GNG7: variants seen among roughly 807,000 people sequenced by gnomAD.
GNG7 encodes the protein guanine nucleotide-binding protein G(I)/G(S)/G(O) subunit gamma-7.
In GNG7, 1 loss-of-function variant was observed where a neutral mutation model predicts 4.0. The observed-to-expected ratio is 0.25, with a 90% CI of 0.09 to 1.18. GNG7 has a LOEUF of 1.18. Ranked by LOEUF, GNG7 falls within the 50% of genes most tolerant of loss-of-function variation. GNG7 has a pLI of 0.50. For synonymous variants in GNG7, 34 were observed against 36.9 expected (o/e 0.92, Z 0.29); for missense variants, 86 against 91.9 (o/e 0.94, Z 0.26).
At chr19:2,529,517 C>T (rs1478113982) in intron 3 of GNG7, among the ~76,000 whole-genome samples, 1 of 152,168 alleles carries the variant, frequency 6.6e-6, no homozygotes, top group Non-Finnish European at 1.5e-5. Context: ...CACGCCCGGC[C>T]CATTTTTGTG....
At chr19:2,596,285 G>C (rs551951396) in intron 2 of GNG7, among the ~76,000 whole-genome samples, 35 of 152,238 alleles carry the variant, frequency 2.3e-4, no homozygotes, top group African/African-American at 8.4e-4. Flanking sequence ...CTTGAACCCA[G>C]GAGGTGGAGG....
chr19:2,556,397 G>A (rs992269896), intron 2 of GNG7, among the ~76,000 whole-genome samples: 14 of 152,204 alleles, frequency 9.2e-5, no homozygotes, highest in Non-Finnish European at 1.5e-4. Flanking sequence ...CCGGGTTCAC[G>A]TGGCCAAGGC....
intron 2 of GNG7, among the ~76,000 whole-genome samples, chr19:2,612,284 A>G (rs1981592730): frequency 6.6e-6 from 1 of 152,080 alleles, no homozygotes; most frequent in Non-Finnish European, 1.5e-5. Context: ...GCTCAGCAGC[A>G]TCTCTGACCT....
chr19:2,684,071 A>C (rs1271786897), intron 1 of GNG7, among the ~76,000 whole-genome samples: 1 of 151,334 alleles, frequency 6.6e-6, no homozygotes, highest in Admixed American at 6.6e-5. Context: ...CTGTAATCGC[A>C]GCACTTGGAG....
intron 2 of GNG7, among the ~76,000 whole-genome samples, chr19:2,599,782 CA>C (rs1333947072): frequency 1.3e-5 from 2 of 151,864 alleles, no homozygotes. Context: ...ACTAAAAATA[CA>C]AAAATTAGCC....
chr19:2,568,782 A>G (rs555852503), intron 2 of GNG7, among the ~76,000 whole-genome samples: 77 of 133,096 alleles, frequency 5.8e-4, no homozygotes, highest in South Asian at 2.9e-3. Flanking sequence ...ATAAATACAC[A>G]TACACACATA....
At chr19:2,586,634 C>T (rs888049610) in intron 2 of GNG7, among the ~76,000 whole-genome samples, 3 of 152,270 alleles carry the variant, frequency 2.0e-5, no homozygotes, top group East Asian at 1.9e-4. Flanking sequence ...TTTACACACA[C>T]GCACGCAAGC....
chr19:2,597,514 T>G (rs1421742900), intron 2 of GNG7, among the ~76,000 whole-genome samples: 11 of 147,010 alleles, frequency 7.5e-5, no homozygotes, highest in East Asian at 4.1e-4. Context: ...GGAGAATCGC[T>G]TGAACCCAGG....
At chr19:2,699,736 G>C (rs533103878) in intron 1 of GNG7, among the ~76,000 whole-genome samples, 4 of 152,172 alleles carry the variant, frequency 2.6e-5, no homozygotes, top group Non-Finnish European at 5.9e-5. Context: ...TGGAGGTCAG[G>C]GATGCTGCTC....
intron 1 of GNG7, among the ~76,000 whole-genome samples, chr19:2,649,179 C>T (rs986176020): frequency 6.6e-6 from 1 of 152,054 alleles, no homozygotes; most frequent in Non-Finnish European, 1.5e-5. Context: ...TCAAGTGATC[C>T]TCTCACCACC....
chr19:2,678,985 G>A (rs1049041342), intron 1 of GNG7, among the ~76,000 whole-genome samples: 2 of 152,110 alleles, frequency 1.3e-5, no homozygotes, highest in African/African-American at 2.4e-5. Context: ...AGACTTCATC[G>A]TTTTCTGAAT....
At chr19:2,522,072 A>G (rs12982450) in intron 3 of GNG7, among the ~76,000 whole-genome samples, 87,546 of 151,984 alleles carry the variant, frequency 0.58, 25,287 homozygotes, top group Non-Finnish European at 0.59. Flanking sequence ...TCTGCCCTCC[A>G]TGGAGCACTG....
At chr19:2,553,756 T>C (rs562439020) in intron 3 of GNG7, among the ~76,000 whole-genome samples, 26 of 148,862 alleles carry the variant, frequency 1.7e-4, no homozygotes, top group African/African-American at 4.6e-4. Context: ...ATTACATATA[T>C]GCACATATTG....
chr19:2,653,057 C>T lies in GNG7; in HGVS notation c.-134-6777G>A, dbSNP rs1174193488. Reference sequence around the variant, plus strand: ...AGTGAACCGAGATCACACCACTGCACTCCAGCCCGGGCAACAGAGCAAGAC... The same window carrying T: ...AGTGAACCGAGATCACACCACTGCATTCCAGCCCGGGCAACAGAGCAAGAC... On this transcript the variant is annotated intron_variant, in intron 1 of 4. Transcript: ENST00000382159. The surrounding 1 kb of genome is among the most constrained non-coding windows in gnomAD (Gnocchi z 4.8). 3.3e-5 allele frequency among the ~76,000 whole-genome samples: 5 copies of T among 151,910 alleles called. No homozygotes were observed. Among genetic ancestry groups the T allele is most frequent in the African/African-American group, 1.2e-4 (5 of 41,344 alleles).
intron 1 of GNG7, among the ~76,000 whole-genome samples, chr19:2,659,184 T>G (rs1213114392): frequency 1.3e-5 from 2 of 151,984 alleles, no homozygotes; most frequent in Non-Finnish European, 2.9e-5. Flanking sequence ...TTAGCCAGGA[T>G]GGTCTCAATC....
intron 1 of GNG7, among the ~76,000 whole-genome samples, chr19:2,662,163 G>A (rs1386729503): frequency 1.3e-5 from 2 of 151,800 alleles, no homozygotes; most frequent in Admixed American, 6.6e-5. Flanking sequence ...AGGAGGCTGA[G>A]GCAGGAGAAT....
At chr19:2,560,598 C>T (rs939507649) in intron 2 of GNG7, among the ~76,000 whole-genome samples, 11 of 151,992 alleles carry the variant, frequency 7.2e-5, no homozygotes, top group Non-Finnish European at 1.3e-4. Flanking sequence ...GTGCCCAGGA[C>T]GGCCCTGCTC....
intron 2 of GNG7, among the ~76,000 whole-genome samples, chr19:2,566,829 A>G (rs949495278): frequency 2.6e-5 from 4 of 152,112 alleles, no homozygotes; most frequent in Admixed American, 2.6e-4. Flanking sequence ...GTCGCTGGGC[A>G]TGGTGGCTCA....
intron 3 of GNG7, among the ~76,000 whole-genome samples, chr19:2,521,533 C>T (rs906037614): frequency 1.3e-5 from 2 of 151,456 alleles, no homozygotes; most frequent in Non-Finnish European, 2.9e-5. Context: ...GATCCGAACG[C>T]GATATCCATA....
Sources: allele counts gnomAD v4.1 joint callset (sites outside exome capture counted in the v4.1 genomes callset), GRCh38; gene constraint gnomAD v4.1.1; non-coding constraint Gnocchi (gnomAD v3.1); transcripts MANE v1.5; gene names NCBI Gene and HGNC (gene_info 2026-07-23, HGNC 2026-07-21).